The following IPO11 variants were observed in gnomAD, a reference collection of about 807,000 sequenced individuals.
IPO11 encodes importin-11.
A neutral mutation model predicts 143.2 loss-of-function variants in IPO11; 66 were observed. The observed-to-expected ratio is 0.46, with a 90% CI of 0.38 to 0.57. IPO11 has a LOEUF of 0.57. IPO11 is among the 20% of genes least tolerant of loss of function. IPO11 has a pLI of 0.00. For synonymous variants in IPO11, 385 were observed against 377.8 expected, an observed-to-expected ratio of 1.02 and a Z score of -0.22; for missense variants, 1,026 against 1,141.0, an observed-to-expected ratio of 0.90 and a Z score of 1.45.
chr5:62,541,686 A>C (rs1463436304), intron 24 of IPO11, among the ~76,000 whole-genome samples: 1 of 152,182 alleles, frequency 6.6e-6, no homozygotes, highest in Non-Finnish European at 1.5e-5. Flanking sequence ...GTTTCAAAAA[A>C]AAAAAGAAGA....
At chr5:62,562,699 T>C (rs1387216033) in intron 27 of IPO11, among the ~76,000 whole-genome samples, 6 of 152,204 alleles carry the variant, frequency 3.9e-5, no homozygotes, top group Non-Finnish European at 8.8e-5. Context: ...AGAGCATACA[T>C]ATACTAGTGA....
chr5:62,509,844 T>C (rs1381119855), intron 19 of IPO11, among the ~76,000 whole-genome samples: 1 of 152,258 alleles, frequency 6.6e-6, no homozygotes, highest in Non-Finnish European at 1.5e-5. Flanking sequence ...TGAATAGTGC[T>C]ACAGTAAACA....
At chr5:62,601,285 G>GA (rs1460005731) in intron 28 of IPO11, 1 of 152,426 alleles carries the variant, frequency 6.6e-6, no homozygotes, top group African/African-American at 2.4e-5. Flanking sequence ...GTGCTATCAG[G>GA]ACAAGTTCCT....
At chr5:62,583,713 A>C (rs1744650815) in intron 27 of IPO11, among the ~76,000 whole-genome samples, 1 of 152,216 alleles carries the variant, frequency 6.6e-6, no homozygotes, top group Non-Finnish European at 1.5e-5. Context: ...ACAGTTAAAA[A>C]ACTTATTTAA....
chr5:62,553,993 A>C (rs1743482999), intron 26 of IPO11, among the ~76,000 whole-genome samples: 1 of 152,056 alleles, frequency 6.6e-6, no homozygotes, highest in Non-Finnish European at 1.5e-5. Context: ...GGCCTCCCAA[A>C]GTGCTGGGAT....
At chr5:62,528,552 G>A (rs1277983714) in intron 21 of IPO11, among the ~76,000 whole-genome samples, 1 of 152,114 alleles carries the variant, frequency 6.6e-6, no homozygotes, top group Non-Finnish European at 1.5e-5. Context: ...AGGCAAAAAG[G>A]GGTGGGATTC....
intron 22 of IPO11, among the ~76,000 whole-genome samples, chr5:62,535,274 T>C (rs1403168798): frequency 6.6e-6 from 1 of 152,064 alleles, no homozygotes; most frequent in Non-Finnish European, 1.5e-5. Context: ...TTGGCAATGA[T>C]TTCAAAATTA....
chr5:62,465,437 T>G (rs1745538583), intron 5 of IPO11, among the ~76,000 whole-genome samples: 1 of 152,232 alleles, frequency 6.6e-6, no homozygotes, highest in Non-Finnish European at 1.5e-5. Context: ...AAAGCTTTTT[T>G]CCCACTTTTT....
intron 1 of IPO11, among the ~76,000 whole-genome samples, chr5:62,426,931 GTTTTTTTTTTTTTT>G (rs763031944): frequency 1.1e-5 from 1 of 90,244 alleles, no homozygotes; most frequent in African/African-American, 4.3e-5. Flanking sequence ...TTTTCTTTCT[GTTTTTTTTTTTTTT>G]TTTTTTTTTG....
chr5:62,565,386 T>C (rs989147276), intron 27 of IPO11, among the ~76,000 whole-genome samples: 1 of 152,142 alleles, frequency 6.6e-6, no homozygotes, highest in African/African-American at 2.4e-5. Flanking sequence ...CTCAGGAGGC[T>C]GAGGCAGGAG....
At chr5:62,555,479 ATTATTTATTTAT>A (rs138722983) in intron 26 of IPO11, among the ~76,000 whole-genome samples, 278 of 137,254 alleles carry the variant, frequency 2.0e-3, no homozygotes, top group Middle Eastern at 0.014. Flanking sequence ...CACCTGGCTA[ATTATTTATTTAT>A]TTATTTATTT....
chr5:62,601,058 C>T (rs1297411232), intron 28 of IPO11, among the ~76,000 whole-genome samples: 2 of 152,168 alleles, frequency 1.3e-5, no homozygotes, highest in Non-Finnish European at 2.9e-5. Flanking sequence ...GGTTAGGAAC[C>T]TATGATCATG....
intron 27 of IPO11, among the ~76,000 whole-genome samples, chr5:62,582,666 A>G (rs770373734): frequency 2.6e-5 from 4 of 152,234 alleles, no homozygotes; most frequent in Admixed American, 6.5e-5. Flanking sequence ...GGGAAGAATA[A>G]GACCTTGTAG....
chr5:62,434,223 GTC>G (rs959586158), intron 1 of IPO11, among the ~76,000 whole-genome samples: 18 of 152,146 alleles, frequency 1.2e-4, no homozygotes, highest in Admixed American at 1.3e-4. Flanking sequence ...TGTCATTCAC[GTC>G]TCTCATAAAT....
chr5:62,481,139 C>G (rs1175210530), intron 9 of IPO11, among the ~76,000 whole-genome samples: 2 of 151,862 alleles, frequency 1.3e-5, no homozygotes, highest in East Asian at 3.9e-4. Flanking sequence ...AGGATGGTCT[C>G]GATCTCCTGA....
intron 22 of IPO11, among the ~76,000 whole-genome samples, chr5:62,535,500 A>AT (rs1006376951): frequency 3.3e-5 from 5 of 152,042 alleles, no homozygotes. Flanking sequence ...TTATCCTGAG[A>AT]TTTTTATCTT....
chr5:62,577,043 G>A (rs1417931904), intron 27 of IPO11, among the ~76,000 whole-genome samples: 1 of 152,176 alleles, frequency 6.6e-6, no homozygotes. Context: ...GAGGTTGAGC[G>A]TAGTGTTCAG....
intron 5 of IPO11, among the ~76,000 whole-genome samples, 168 bp downstream of exon 5, chr5:62,452,101 C>T (rs559780986): frequency 2.0e-5 from 3 of 152,088 alleles, no homozygotes; most frequent in Non-Finnish European, 4.4e-5. Flanking sequence ...AAAAATTAGC[C>T]GGGCGTGGTG....
rs1485679737 is a variant in IPO11, at chr5:62,514,062, C to T, written c.1783-1326C>T. 2.6e-5 allele frequency among the ~76,000 whole-genome samples: 4 copies of T among 151,822 alleles called. No homozygotes were observed. The East Asian group carries it at 7.8e-4, about 29-fold the overall frequency. On this transcript the variant is annotated intron_variant, in intron 19 of 29. Transcript: ENST00000325324. ...GGCCGGGACGAGGCGCTCCTCACTT[C>T]CCAGGTGGGATGGCGGCCGGGCAGA...
Sources: allele counts gnomAD v4.1 joint callset (sites outside exome capture counted in the v4.1 genomes callset), GRCh38; gene constraint gnomAD v4.1.1; transcripts MANE v1.5; gene names NCBI Gene and HGNC (gene_info 2026-07-23, HGNC 2026-07-21).